Variants in DOCK3 observed in about 807,000 individuals in gnomAD.
DOCK3 encodes the protein dedicator of cytokinesis 3, also known as dedicator of cytokinesis protein 3.
DOCK3 carries 60 observed loss-of-function variants against 265.6 expected under a neutral mutation model. That is an observed-to-expected ratio of 0.23 (90% CI 0.18 to 0.28). DOCK3 has a LOEUF of 0.28. Ranked by LOEUF, DOCK3 falls within the 10% of genes least tolerant of loss-of-function variation. DOCK3 has a pLI of 1.00. For missense variants in DOCK3, 1,981 were observed against 2,594.3 expected (o/e 0.76, Z 5.14); for synonymous variants, 881 against 938.0 (o/e 0.94, Z 1.11).
rs145046637 is a variant in DOCK3, at chr3:50,891,794, A to G, written c.218+1713A>G. 7.6e-3 allele frequency among the ~76,000 whole-genome samples: 1,157 copies of G among 152,190 alleles called. 18 individuals carry two copies. Among genetic ancestry groups the G allele is most frequent in the African/African-American group, 0.027 (1,114 of 41,558 alleles). ...GAAATAGAGTGCCTTAGAAAATACT[A>G]GCAAAGTCATACACTTTCTGATGAT... On this transcript the variant is annotated intron_variant, in intron 4 of 52. Transcript: ENST00000266037.
intron 5 of DOCK3, among the ~76,000 whole-genome samples, chr3:50,969,771 T>C (rs922218927): frequency 6.6e-6 from 1 of 152,208 alleles, no homozygotes; most frequent in African/African-American, 2.4e-5. Context: ...ATTGACACTT[T>C]TTTATTTAAG....
intron 5 of DOCK3, among the ~76,000 whole-genome samples, chr3:51,050,022 G>A (rs553119304): frequency 1.3e-5 from 2 of 152,078 alleles, no homozygotes; most frequent in Non-Finnish European, 2.9e-5. Context: ...GAAGATCCCT[G>A]CAATAAAAAA....
chr3:51,003,531 A>G (rs545870948), intron 5 of DOCK3, among the ~76,000 whole-genome samples: 7 of 152,370 alleles, frequency 4.6e-5, no homozygotes, highest in Admixed American at 2.6e-4. Flanking sequence ...TGCATGATGG[A>G]TATTACTGAA....
intron 6 of DOCK3, among the ~76,000 whole-genome samples, chr3:51,066,870 T>C (rs544328146): frequency 6.6e-6 from 1 of 152,320 alleles, no homozygotes; most frequent in East Asian, 1.9e-4. Context: ...GTTAGTAGGA[T>C]TGCTTGGCAC....
intron 1 of DOCK3, among the ~76,000 whole-genome samples, chr3:50,755,633 A>T (rs2040111337): frequency 6.6e-6 from 1 of 152,220 alleles, no homozygotes; most frequent in Non-Finnish European, 1.5e-5. Flanking sequence ...TTCATCTCCC[A>T]GGAAAGAAAC....
chr3:51,281,037 C>T (rs2081085084), intron 27 of DOCK3, among the ~76,000 whole-genome samples: 1 of 152,046 alleles, frequency 6.6e-6, no homozygotes, highest in Admixed American at 6.5e-5. Context: ...CACATCCTTC[C>T]TCCCATTTTC....
intron 10 of DOCK3, among the ~76,000 whole-genome samples, chr3:51,158,752 A>G (rs541896196): frequency 2.0e-5 from 3 of 152,348 alleles, no homozygotes; most frequent in Admixed American, 6.5e-5. Flanking sequence ...ACTGATATCA[A>G]ATTAATCTCT....
chr3:51,238,236 G>A (rs1288487693), intron 21 of DOCK3, among the ~76,000 whole-genome samples: 3 of 125,720 alleles, frequency 2.4e-5, no homozygotes, highest in Non-Finnish European at 3.1e-5. Flanking sequence ...TCTGCTTCCC[G>A]GGTTCACACC....
At chr3:50,983,727 T>C (rs564901936) in intron 5 of DOCK3, among the ~76,000 whole-genome samples, 2 of 152,244 alleles carry the variant, frequency 1.3e-5, no homozygotes, top group Admixed American at 1.3e-4. Flanking sequence ...TTCTTCCTGG[T>C]CACAGAACAA....
chr3:51,123,465 G>C (rs1380209274), intron 9 of DOCK3, among the ~76,000 whole-genome samples: 3 of 152,172 alleles, frequency 2.0e-5, no homozygotes, highest in Non-Finnish European at 2.9e-5. Context: ...AGGACTCATA[G>C]GGCTTAGCAT....
At chr3:51,306,386 C>G (rs2082692193) in intron 27 of DOCK3, among the ~76,000 whole-genome samples, 1 of 152,134 alleles carries the variant, frequency 6.6e-6, no homozygotes, top group African/African-American at 2.4e-5. Context: ...TAATGTGGCT[C>G]TATGCGAATC....
intron 9 of DOCK3, among the ~76,000 whole-genome samples, chr3:51,107,193 A>G (rs1404680248): frequency 1.3e-5 from 2 of 148,804 alleles, no homozygotes; most frequent in Admixed American, 6.7e-5. Context: ...TATAAAAGGG[A>G]AAAAAAAACC....
intron 3 of DOCK3, among the ~76,000 whole-genome samples, chr3:50,888,362 G>A (rs955196775): frequency 6.6e-6 from 1 of 152,060 alleles, no homozygotes; most frequent in African/African-American, 2.4e-5. Context: ...AATAAGAGAG[G>A]ATACAAATAA....
chr3:51,093,923 A>G (rs2082728499), intron 9 of DOCK3, among the ~76,000 whole-genome samples: 1 of 152,180 alleles, frequency 6.6e-6, no homozygotes, highest in African/African-American at 2.4e-5. Flanking sequence ...CTATTGAGAT[A>G]AACATGTGGT....
intron 27 of DOCK3, among the ~76,000 whole-genome samples, chr3:51,294,813 C>T (rs562791292): frequency 1.3e-5 from 2 of 151,842 alleles, no homozygotes; most frequent in Admixed American, 1.3e-4. Context: ...AGTTTCAGTT[C>T]AGGTGTTCTG....
At chr3:51,099,906 C>G (rs1034560392) in intron 9 of DOCK3, among the ~76,000 whole-genome samples, 2 of 152,154 alleles carry the variant, frequency 1.3e-5, no homozygotes, top group African/African-American at 4.8e-5. Context: ...GGGCTACCTT[C>G]CAGGGAAGAG....
intron 9 of DOCK3, among the ~76,000 whole-genome samples, chr3:51,129,231 C>T (rs952845556): frequency 6.6e-6 from 1 of 152,226 alleles, no homozygotes; most frequent in East Asian, 1.9e-4. Flanking sequence ...GGAAAATTTC[C>T]CTTCACTGCT....
chr3:51,143,918 A>G (rs956034547), intron 9 of DOCK3, among the ~76,000 whole-genome samples: 2 of 152,196 alleles, frequency 1.3e-5, no homozygotes, highest in East Asian at 3.8e-4. Flanking sequence ...CTATGTGCTA[A>G]ATGTGGAAAC....
At chr3:51,175,060 A>G (rs2086870042) in intron 12 of DOCK3, among the ~76,000 whole-genome samples, 1 of 152,186 alleles carries the variant, frequency 6.6e-6, no homozygotes, top group Non-Finnish European at 1.5e-5. Context: ...TGCTCCTGCC[A>G]GGTCACTGGG....
Sources: allele counts gnomAD v4.1 joint callset (sites outside exome capture counted in the v4.1 genomes callset), GRCh38; gene constraint gnomAD v4.1.1; transcripts MANE v1.5; gene names NCBI Gene and HGNC (gene_info 2026-07-23, HGNC 2026-07-21).